The following UNC13C variants were observed in gnomAD, a reference collection of about 807,000 sequenced individuals.
UNC13C encodes protein unc-13 homolog C.
A neutral mutation model predicts 245.4 loss-of-function variants in UNC13C; 174 were observed. That is an observed-to-expected ratio of 0.71 (90% CI 0.63 to 0.80). The LOEUF is 0.80. UNC13C is among the 30% of genes least tolerant of loss of function. The pLI is 0.00. For synonymous variants in UNC13C, 992 were observed against 895.1 expected (o/e 1.11, Z -1.93); for missense variants, 2,829 against 2,602.9 (o/e 1.09, Z -1.89).
chr15:54,412,533 G>A (rs920649144), intron 18 of UNC13C, among the ~76,000 whole-genome samples: 2 of 152,126 alleles, frequency 1.3e-5, no homozygotes, highest in Admixed American at 1.3e-4. Flanking sequence ...GTGGGAACAC[G>A]GAGCAAAACC....
chr15:54,223,250 A>G (rs930820666), intron 4 of UNC13C, among the ~76,000 whole-genome samples: 2 of 152,122 alleles, frequency 1.3e-5, no homozygotes, highest in African/African-American at 4.8e-5. Context: ...TCTTTAATCC[A>G]TTTTTATTTG....
chr15:54,624,769 A>C (rs975864681), intron 32 of UNC13C, among the ~76,000 whole-genome samples: 1 of 152,144 alleles, frequency 6.6e-6, no homozygotes, highest in Non-Finnish European at 1.5e-5. Context: ...GATTCTTGCC[A>C]TAGGCTGGAG....
At chr15:54,442,488 G>A (rs1263192268) in intron 19 of UNC13C, among the ~76,000 whole-genome samples, 3 of 151,968 alleles carry the variant, frequency 2.0e-5, no homozygotes, top group Non-Finnish European at 4.4e-5. Context: ...CTCCCAAAGT[G>A]CTGGGATTAC....
the UNC13C span, among the ~76,000 whole-genome samples, chr15:53,896,786 C>G: frequency 6.6e-6 from 1 of 152,046 alleles, no homozygotes; most frequent in African/African-American, 2.4e-5. Flanking sequence ...TTAGCAATTC[C>G]TTTTTTATTA....
In UNC13C at chr15:54,415,059, C is replaced by A; in HGVS notation, c.4925C>A (p.Ala1642Glu). 1 of 1,600,798 alleles carries A rather than the reference C, an allele frequency of 6.2e-7. No individual in the cohort carries two copies. Residue 1642 changes from alanine to glutamate, a missense_variant, in exon 19 of 33, where the codon GCA becomes GAA. Coordinates refer to ENST00000260323, the MANE Select transcript of UNC13C (RefSeq NM_001080534.3). The stretch of plus-strand genomic sequence containing the variant: ...CTTTTTGCTCTGGATATGAAATATG[C>A]ATTAGAAGGTAATTATAAATATTTA... ...WTLFALDMKY[A>E]LEEHENQRLC...
chr15:54,581,760 T>G (rs1898212207), intron 30 of UNC13C, among the ~76,000 whole-genome samples: 1 of 152,218 alleles, frequency 6.6e-6, no homozygotes, highest in Non-Finnish European at 1.5e-5. Context: ...ACCCTGAAAC[T>G]ACTGAGTCAG....
chr15:54,057,297 C>G (rs1019128802), intron 2 of UNC13C, among the ~76,000 whole-genome samples: 5 of 150,780 alleles, frequency 3.3e-5, no homozygotes, highest in Non-Finnish European at 7.4e-5. Context: ...CAAAAAAAGG[C>G]AGGGATTGCA....
intron 2 of UNC13C, among the ~76,000 whole-genome samples, chr15:54,053,950 T>C (rs1897384146): frequency 6.6e-6 from 1 of 152,214 alleles, no homozygotes; most frequent in Admixed American, 6.5e-5. Context: ...GTTCTATTCA[T>C]GTTGTTGCAA....
chr15:54,134,283 T>G (rs1488252176), intron 2 of UNC13C, among the ~76,000 whole-genome samples: 2 of 150,272 alleles, frequency 1.3e-5, no homozygotes, highest in African/African-American at 4.9e-5. Flanking sequence ...TTTTTTTTTT[T>G]GTGAGATTTT....
intron 19 of UNC13C, among the ~76,000 whole-genome samples, chr15:54,435,663 C>T (rs2040968264): frequency 6.6e-6 from 1 of 151,462 alleles, no homozygotes; most frequent in African/African-American, 2.4e-5. Context: ...AGCAAACCAC[C>T]ATGGCACATG....
intron 18 of UNC13C, among the ~76,000 whole-genome samples, chr15:54,399,019 C>A (rs184853187): frequency 6.6e-6 from 1 of 151,384 alleles, no homozygotes; most frequent in South Asian, 2.1e-4. Flanking sequence ...TAGCAGTAAT[C>A]CAGTGAGAAG....
chr15:54,621,489 GT>G lies in UNC13C; in HGVS notation c.6107-837del, dbSNP rs972802484. On this transcript the variant is annotated intron_variant, in intron 30 of 32. Coordinates refer to ENST00000260323, the MANE Select transcript of UNC13C (RefSeq NM_001080534.3). Reference sequence around the variant, plus strand: ...TTCCAAGCCTGTAGTCGTTGATGTAGTGACAGCTTTATCTACACTGAACTGG... The same window carrying G: ...TTCCAAGCCTGTAGTCGTTGATGTAGGACAGCTTTATCTACACTGAACTGG... Among the ~76,000 whole-genome samples the G allele has an allele frequency of 1.6e-3, 244 of 152,156 alleles. 2 individuals are homozygous for G. The highest frequency in any genetic ancestry group is 0.013 in the Admixed American group (195 of 15,270).
chr15:54,495,209 A>G (rs1236188435), intron 20 of UNC13C, among the ~76,000 whole-genome samples: 1 of 152,036 alleles, frequency 6.6e-6, no homozygotes, highest in Non-Finnish European at 1.5e-5. Context: ...ACAAGGACTC[A>G]TGTAATAATT....
At chr15:53,921,473 A>T in the UNC13C span, among the ~76,000 whole-genome samples, 2 of 152,332 alleles carry the variant, frequency 1.3e-5, no homozygotes, top group East Asian at 3.9e-4. Flanking sequence ...TCTGGTTGAC[A>T]TTAAAGTTGG....
At chr15:54,120,647 A>G (rs2030602452) in intron 2 of UNC13C, among the ~76,000 whole-genome samples, 1 of 152,086 alleles carries the variant, frequency 6.6e-6, no homozygotes, top group South Asian at 2.1e-4. Context: ...AGATGAATCT[A>G]GGAAAAAGTC....
chr15:53,893,340 C>A, the UNC13C span, among the ~76,000 whole-genome samples: 1 of 152,164 alleles, frequency 6.6e-6, no homozygotes. Context: ...GTCAGGGACC[C>A]ACTTGAGGAG....
intron 19 of UNC13C, among the ~76,000 whole-genome samples, chr15:54,450,418 C>A (rs917914909): frequency 2.0e-5 from 3 of 152,220 alleles, no homozygotes; most frequent in African/African-American, 7.2e-5. Context: ...GTGGGCTCCA[C>A]CCAGTTCCAG....
chr15:53,998,303 A>C (rs1894728098), intron 1 of UNC13C, among the ~76,000 whole-genome samples: 1 of 152,154 alleles, frequency 6.6e-6, no homozygotes, highest in Admixed American at 6.6e-5. Flanking sequence ...TTATCTCTTT[A>C]GTTATGCCTT....
At chr15:53,957,170 C>T in the UNC13C span, among the ~76,000 whole-genome samples, 5 of 151,954 alleles carry the variant, frequency 3.3e-5, no homozygotes, top group Non-Finnish European at 7.4e-5. Context: ...GAGACAGAGT[C>T]TCACTCTGTC....
Sources: gnomAD v4.1 joint callset for allele counts (sites outside exome capture counted in the v4.1 genomes callset) on GRCh38, gnomAD v4.1.1 for gene constraint, MANE v1.5 for transcripts, NCBI Gene and HGNC (gene_info 2026-07-23, HGNC 2026-07-21) for gene names.